Variants in DNAH7 observed in about 807,000 individuals in gnomAD.
DNAH7 encodes axonemal beta dynein heavy chain 7.
DNAH7 carries 397 observed loss-of-function variants against 444.6 expected under a neutral mutation model. The observed-to-expected ratio is 0.89, with a 90% CI of 0.82 to 0.97. DNAH7 has a LOEUF of 0.97. DNAH7 is among the 50% of genes least tolerant of loss of function. The probability of loss-of-function intolerance (pLI) is 0.00; values close to 1 mark genes in which losing one functional copy is unlikely to be tolerated. For missense variants in DNAH7, 4,902 were observed against 4,800.8 expected (o/e 1.02, Z -0.62); for synonymous variants, 1,636 against 1,624.4 (o/e 1.01, Z -0.17).
At chr2:195,984,514 A>C in intron 15 of DNAH7, 118 bp downstream of exon 15, 3 of 1,021,654 alleles carry the variant, frequency 2.9e-6, no homozygotes, top group Non-Finnish European at 4.4e-6. Context: ...CACCCAGCTA[A>C]TTGAAAGTCA....
intron 63 of DNAH7, among the ~76,000 whole-genome samples, chr2:195,747,063 G>T (rs556692327): frequency 6.6e-6 from 1 of 152,220 alleles, no homozygotes; most frequent in South Asian, 2.1e-4. Flanking sequence ...CCAGGAGCTG[G>T]TTTTTTTGAA....
chr2:195,808,764 A>G lies in DNAH7; in HGVS notation c.10001T>C (p.Leu3334Ser), dbSNP rs1242744274. The G allele has an allele frequency of 1.2e-6, 2 of 1,613,938 alleles. No individual in the cohort carries two copies. Among genetic ancestry groups the G allele is most frequent in the African/African-American group, 2.7e-5 (2 of 74,910 alleles). The change falls in exon 53 of 65, where the codon TTA becomes TCA. Residue 3334 changes from leucine (L) to serine (S), a missense_variant. Physicochemically the swap from Leu to Ser is moderately radical, Grantham distance 145 (BLOSUM62 -2). Coordinates refer to ENST00000312428, the MANE Select transcript of DNAH7 (RefSeq NM_018897.3). Reference sequence around the variant, plus strand: ...GGTTTTGAAGGCAGGCAAATCATCTAATCGACATATTTCATCCCAGGATTT... The same window carrying G: ...GGTTTTGAAGGCAGGCAAATCATCTGATCGACATATTTCATCCCAGGATTT... ...PQKSWDEICR[L>S]DDLPAFKTIR...
intron 17 of DNAH7, among the ~76,000 whole-genome samples, chr2:195,963,816 C>A (rs1691278018): frequency 6.6e-6 from 1 of 152,174 alleles, no homozygotes; most frequent in Non-Finnish European, 1.5e-5. Context: ...TAGCTTCATT[C>A]TTCTGTATAT....
rs561421683 is a variant in DNAH7, at chr2:195,830,081, A to T, written c.9100+4125T>A. Among the ~76,000 whole-genome samples, 6 of 152,282 alleles carry T rather than the reference A, an allele frequency of 3.9e-5. No individual in the cohort carries two copies. The South Asian group carries it at 1.2e-3, about 32-fold the overall frequency. On this transcript the variant is annotated intron_variant, in intron 48 of 64. Transcript: ENST00000312428. ...TTAACTTTTAATTAGATCAAAATAT[A>T]TACCATGTTAAAGTAATAGGAGCAA...
At chr2:195,916,451 G>GCC (rs1687683421) in intron 24 of DNAH7, among the ~76,000 whole-genome samples, 1 of 30,210 alleles carries the variant, frequency 3.3e-5, no homozygotes, top group South Asian at 1.1e-3. Flanking sequence ...CCCCACCCCT[G>GCC]CCCCACCAGG....
At chr2:195,785,012 C>T (rs879388490) in intron 58 of DNAH7, among the ~76,000 whole-genome samples, 15 of 151,446 alleles carry the variant, frequency 9.9e-5, no homozygotes, top group Admixed American at 2.0e-4. Context: ...CCCGGTTTCA[C>T]GCCATTCTCC....
intron 36 of DNAH7, among the ~76,000 whole-genome samples, chr2:195,878,973 T>C (rs937445061): frequency 1.3e-5 from 2 of 152,146 alleles, no homozygotes; most frequent in African/African-American, 4.8e-5. Context: ...AGAAAAAAAC[T>C]GTAGACTTTA....
At chr2:195,747,192 A>C (rs925756924) in intron 63 of DNAH7, among the ~76,000 whole-genome samples, 1 of 151,988 alleles carries the variant, frequency 6.6e-6, no homozygotes, top group Non-Finnish European at 1.5e-5. Flanking sequence ...ACAGAAATAC[A>C]AACTACCATC....
intron 46 of DNAH7, among the ~76,000 whole-genome samples, chr2:195,848,097 G>A (rs1223527848): frequency 6.6e-6 from 1 of 152,206 alleles, no homozygotes; most frequent in Non-Finnish European, 1.5e-5. Context: ...CCAGCCTCTG[G>A]GTTGATGAGG....
At chr2:196,027,913 T>G (rs2125783706) in intron 6 of DNAH7, 47 bp downstream of exon 6, 1 of 1,544,458 alleles carries the variant, frequency 6.5e-7, no homozygotes, top group East Asian at 2.3e-5. Context: ...TATCTTCAAG[T>G]GTTTCTTTCC....
intron 30 of DNAH7, chr2:195,894,332 A>G (rs996279856): frequency 6.6e-6 from 1 of 152,212 alleles, no homozygotes; most frequent in Non-Finnish European, 1.5e-5. Flanking sequence ...CAGAAAAGTA[A>G]GTAATTTCAT....
chr2:195,888,042 CTCTTT>C (rs891641726), intron 33 of DNAH7, among the ~76,000 whole-genome samples: 19 of 152,126 alleles, frequency 1.2e-4, no homozygotes, highest in Middle Eastern at 6.8e-3. Flanking sequence ...CCTTTGAGTT[CTCTTT>C]TTTTTAGAGA....
At chr2:195,972,583 T>C (rs1361118123) in intron 15 of DNAH7, 117 bp from the exon 16 acceptor site, 7 of 729,848 alleles carry the variant, frequency 9.6e-6, no homozygotes, top group Non-Finnish European at 1.1e-5. Context: ...ACACTTTTGG[T>C]TCAAAATCAG....
At chr2:196,062,903 C>G (rs1183089905) in intron 1 of DNAH7, among the ~76,000 whole-genome samples, 1 of 152,100 alleles carries the variant, frequency 6.6e-6, no homozygotes, top group East Asian at 1.9e-4. Context: ...GTTTGTTTGA[C>G]ACAGAGTCTC....
intron 39 of DNAH7, 46 bp from the exon 40 acceptor site, chr2:195,872,515 T>C (rs1183643247): frequency 9.1e-6 from 12 of 1,322,386 alleles, no homozygotes; most frequent in African/African-American, 3.0e-5. Flanking sequence ...TTAGCAATTA[T>C]AGAATTACGA....
intron 46 of DNAH7, among the ~76,000 whole-genome samples, chr2:195,845,862 G>A (rs1440172737): frequency 6.6e-6 from 1 of 152,170 alleles, no homozygotes; most frequent in Non-Finnish European, 1.5e-5. Context: ...ATCAACTCAA[G>A]ATGAATTAAA....
Position 195,777,933 on chromosome 2 carries a change from C to CGGTCTCTACGGTCA in DNAH7, c.10930_10931insTGACCGTAGAGACC (p.Gly3644ValfsTer8). 1 of 1,614,138 alleles carries CGGTCTCTACGGTCA rather than the reference C, an allele frequency of 6.2e-7. No individual in the cohort carries two copies. Among genetic ancestry groups the CGGTCTCTACGGTCA allele is most frequent in the Non-Finnish European group, 8.5e-7 (1 of 1,179,984 alleles). ...CCGGTCCCAGTCATCGGTCACTCTGCCTCCGTAATTGCATTCGCCAGTCAT... is the reference window on the plus strand; with the variant it reads ...CCGGTCCCAGTCATCGGTCACTCTGCGGTCTCTACGGTCACTCCGTAATTGCATTCGCCAGTCAT... On this transcript the variant is annotated frameshift_variant, in exon 59 of 65. Transcript: ENST00000312428. LOFTEE classifies it high-confidence loss of function.
chr2:195,906,191 C>T (rs1687005469), intron 27 of DNAH7, among the ~76,000 whole-genome samples: 1 of 151,784 alleles, frequency 6.6e-6, no homozygotes, highest in South Asian at 2.1e-4. Flanking sequence ...AATGGGTACA[C>T]CCTTAGCATT....
chr2:195,823,091 C>G (rs1697549613), intron 49 of DNAH7, among the ~76,000 whole-genome samples: 1 of 152,298 alleles, frequency 6.6e-6, no homozygotes, highest in Middle Eastern at 3.4e-3. Flanking sequence ...AGTAGCACCC[C>G]AATCTATGGC....
Sources: allele counts gnomAD v4.1 joint callset (sites outside exome capture counted in the v4.1 genomes callset), GRCh38; gene constraint gnomAD v4.1.1; transcripts MANE v1.5; gene names NCBI Gene and HGNC (gene_info 2026-07-23, HGNC 2026-07-21).